The following MARCHF1 variants were observed in gnomAD, a reference collection of about 807,000 sequenced individuals.
MARCHF1 encodes membrane associated ring-CH-type finger 1.
In MARCHF1, 40 loss-of-function variants were observed where a neutral mutation model predicts 54.2. The ratio of observed to expected loss-of-function variants is 0.74; its 90% CI spans 0.57 to 0.96. The LOEUF (loss-of-function observed/expected upper bound fraction) is 0.96. MARCHF1 is among the 40% of genes least tolerant of loss of function. The pLI is 0.00. For synonymous variants in MARCHF1, 236 were observed against 236.3 expected (o/e 1.00, Z 0.01); for missense variants, 586 against 656.5 (o/e 0.89, Z 1.17).
chr4:163,839,077 T>G (rs753513265), intron 4 of MARCHF1, among the ~76,000 whole-genome samples: 1 of 152,070 alleles, frequency 6.6e-6, no homozygotes, highest in Non-Finnish European at 1.5e-5. Flanking sequence ...AATAGACATT[T>G]CTTGAAAGAA....
intron 4 of MARCHF1, among the ~76,000 whole-genome samples, chr4:163,793,757 T>C (rs1336369927): frequency 1.3e-5 from 2 of 152,160 alleles, no homozygotes; most frequent in South Asian, 2.1e-4. Flanking sequence ...ATCCGTGTCC[T>C]GTTCTGTTCT....
chr4:163,614,607 C>T (rs1458632381), intron 5 of MARCHF1, among the ~76,000 whole-genome samples: 1 of 152,056 alleles, frequency 6.6e-6, no homozygotes, highest in African/African-American at 2.4e-5. Flanking sequence ...GAAAAAGGAA[C>T]AAATTCTAAC....
In MARCHF1 at chr4:164,379,171, AAATTGG is replaced by A. The variant is rs746936258; in HGVS notation, c.-323+4693_-323+4698del. On this transcript the variant is annotated intron_variant, in intron 1 of 9. Coordinates refer to ENST00000514618, the MANE Select transcript of MARCHF1 (RefSeq NM_001394959.1). ...AGAAGAAAAGATGGAGAAAACAGAT[AAATTGG>A]AATCTATAGAAAAAATCAAATGTAC... 3.9e-4 allele frequency among the ~76,000 whole-genome samples: 60 copies of A among 152,366 alleles called. 1 individual carries two copies. The highest frequency in any genetic ancestry group is 4.3e-4 in the Non-Finnish European group (29 of 68,036).
chr4:164,167,986 T>C (rs1468048549), intron 1 of MARCHF1, among the ~76,000 whole-genome samples: 1 of 151,950 alleles, frequency 6.6e-6, no homozygotes, highest in Non-Finnish European at 1.5e-5. Flanking sequence ...AAAGCCAATC[T>C]AGGTACTCGG....
At chr4:164,221,673 C>T (rs1054867674) in intron 1 of MARCHF1, among the ~76,000 whole-genome samples, 2 of 151,884 alleles carry the variant, frequency 1.3e-5, no homozygotes, top group African/African-American at 4.8e-5. Flanking sequence ...TTTCTTCTCT[C>T]CTCCACCATC....
intron 3 of MARCHF1, among the ~76,000 whole-genome samples, chr4:163,918,051 A>G (rs1374809768): frequency 6.6e-6 from 1 of 152,120 alleles, no homozygotes; most frequent in Non-Finnish European, 1.5e-5. Context: ...ACTTTAATCC[A>G]TTTTGAGTTA....
chr4:163,766,763 T>C (rs1336396082), intron 4 of MARCHF1, among the ~76,000 whole-genome samples: 1 of 152,190 alleles, frequency 6.6e-6, no homozygotes, highest in Non-Finnish European at 1.5e-5. Flanking sequence ...TTTTTAGAGC[T>C]AGTGGATTAT....
chr4:163,556,212 G>A (rs150219382), intron 8 of MARCHF1, among the ~76,000 whole-genome samples: 1 of 152,182 alleles, frequency 6.6e-6, no homozygotes, highest in East Asian at 1.9e-4. Context: ...GCTTATATTA[G>A]GGTCCCAATT....
intron 2 of MARCHF1, among the ~76,000 whole-genome samples, chr4:164,026,812 T>C (rs1753778272): frequency 6.6e-6 from 1 of 152,134 alleles, no homozygotes. Flanking sequence ...TCTTCGTAGA[T>C]GATATGATTA....
intron 4 of MARCHF1, among the ~76,000 whole-genome samples, chr4:163,715,045 G>A (rs1483749135): frequency 6.6e-6 from 1 of 152,094 alleles, no homozygotes; most frequent in Non-Finnish European, 1.5e-5. Flanking sequence ...AGTCACATCT[G>A]TTTTTAAAAT....
chr4:163,531,990 TTAA>T (rs1738369475), intron 9 of MARCHF1, among the ~76,000 whole-genome samples: 1 of 151,890 alleles, frequency 6.6e-6, no homozygotes, highest in African/African-American at 2.4e-5. Context: ...ATAGGGAGAC[TTAA>T]TATTATATTA....
chr4:164,317,284 TACA>T (rs1214140785), intron 1 of MARCHF1, among the ~76,000 whole-genome samples: 1 of 152,212 alleles, frequency 6.6e-6, no homozygotes, highest in Non-Finnish European at 1.5e-5. Flanking sequence ...AGCTGTATAA[TACA>T]ACATCTAAAA....
In MARCHF1 at chr4:164,194,976, CCT is replaced by C. The variant is rs1479691394; in HGVS notation, c.-322-83316_-322-83315del. Among the ~76,000 whole-genome samples, 13 of 151,924 alleles carry C rather than the reference CCT, an allele frequency of 8.6e-5. No individual in the cohort carries two copies. In the East Asian group the frequency reaches 2.5e-3, roughly 30 times the overall value. ...CTATCCCTCCCCTAGACCCCCACCC[CCT>C]GACAGGCCCCAGTGTGTGATGTTCC... is the stretch of plus-strand genomic sequence containing the variant. On this transcript the variant is annotated intron_variant, in intron 1 of 9. Coordinates refer to ENST00000514618, the MANE Select transcript of MARCHF1 (RefSeq NM_001394959.1).
chr4:163,826,226 G>T (rs1217522294), intron 4 of MARCHF1, among the ~76,000 whole-genome samples: 3 of 151,944 alleles, frequency 2.0e-5, no homozygotes, highest in African/African-American at 7.2e-5. Flanking sequence ...TTTTTGTAGA[G>T]TAATTTGTAA....
chr4:163,886,722 G>A (rs1750547248), intron 3 of MARCHF1, among the ~76,000 whole-genome samples: 1 of 152,148 alleles, frequency 6.6e-6, no homozygotes, highest in Non-Finnish European at 1.5e-5. Flanking sequence ...TTTCCTTGGT[G>A]AGAGATAAGG....
intron 8 of MARCHF1, among the ~76,000 whole-genome samples, chr4:163,556,408 A>G (rs146025591): frequency 7.2e-4 from 109 of 152,240 alleles, no homozygotes; most frequent in African/African-American, 2.3e-3. Flanking sequence ...GGAACCGTCT[A>G]TTTGTATCTA....
At chr4:163,663,020 C>A (rs1743400208) in intron 5 of MARCHF1, among the ~76,000 whole-genome samples, 1 of 151,952 alleles carries the variant, frequency 6.6e-6, no homozygotes, top group African/African-American at 2.4e-5. Context: ...ATTCCCAGGT[C>A]ATGCAAACAA....
At chr4:163,680,292 A>G (rs1744061963) in intron 5 of MARCHF1, among the ~76,000 whole-genome samples, 1 of 152,190 alleles carries the variant, frequency 6.6e-6, no homozygotes. Context: ...ATTTTTTAAA[A>G]CTAAGCTTAC....
At chr4:164,094,596 A>T (rs1243192069) in intron 2 of MARCHF1, among the ~76,000 whole-genome samples, 1 of 152,168 alleles carries the variant, frequency 6.6e-6, no homozygotes, top group Non-Finnish European at 1.5e-5. Flanking sequence ...AAGTATCTCC[A>T]AAGACTGAGA....
Sources: allele counts gnomAD v4.1 joint callset (sites outside exome capture counted in the v4.1 genomes callset), GRCh38; gene constraint gnomAD v4.1.1; transcripts MANE v1.5; gene names NCBI Gene and HGNC (gene_info 2026-07-23, HGNC 2026-07-21).